Variants in TEF observed in about 807,000 individuals in gnomAD.
The protein encoded by TEF is thyrotroph embryonic factor.
In TEF, 3 loss-of-function variants were observed where a neutral mutation model predicts 20.8. The ratio of observed to expected loss-of-function variants is 0.14; its 90% CI spans 0.07 to 0.37. The LOEUF (loss-of-function observed/expected upper bound fraction) is 0.37, where lower values mean the gene tolerates loss of function less well. TEF is among the 10% of genes least tolerant of loss of function. The pLI is 1.00. For missense variants in TEF, 296 were observed against 397.9 expected, an observed-to-expected ratio of 0.74 and a Z score of 2.18; for synonymous variants, 180 against 171.1, an observed-to-expected ratio of 1.05 and a Z score of -0.41.
Position 41,396,940 on chromosome 22 carries a change from C to A in TEF, c.*980C>A, listed in dbSNP as rs2037236410. On this transcript the variant is annotated 3_prime_UTR_variant, in exon 4 of 4. Transcript: ENST00000266304. ...AAAATGCCTCCACAGCCCCCTTCCA[C>A]CATGGGCATGAGAGCTGGGGTGTGT... 2.5e-6 allele frequency: 1 copy of A among 398,572 alleles called. No homozygotes were observed. Among genetic ancestry groups the A allele is most frequent in the Non-Finnish European group, 4.4e-6 (1 of 226,150 alleles). 24.7% of individuals were successfully genotyped at this position (398,572 alleles called of 1,614,324 possible).
At chr22:41,395,710 A>C in intron 3 of TEF, 35 bp from the exon 4 acceptor site, 1 of 1,600,596 alleles carries the variant, frequency 6.2e-7, no homozygotes, top group Non-Finnish European at 8.6e-7. Flanking sequence ...CTCGTGGGGA[A>C]AGACGAGAGA....
At chr22:41,369,121 G>A (rs911590830) in intron 1 of TEF, 5 of 985,276 alleles carry the variant, frequency 5.1e-6, no homozygotes, top group Non-Finnish European at 6.0e-6. Flanking sequence ...GGCTGCCAGT[G>A]GGGCAGGGAG....
At chr22:41,393,576 A>C (rs1230358137) in intron 2 of TEF, among the ~76,000 whole-genome samples, 1 of 152,024 alleles carries the variant, frequency 6.6e-6, no homozygotes, top group Non-Finnish European at 1.5e-5. Context: ...CTAACACAGT[A>C]AAACCTCATC....
intron 1 of TEF, 31 bp from the exon 2 acceptor site, chr22:41,387,320 T>A (rs2037110127): frequency 1.2e-6 from 2 of 1,611,540 alleles, no homozygotes; most frequent in Non-Finnish European, 1.7e-6. Flanking sequence ...CTCTCCTGTG[T>A]GGTATTTCAT....
chr22:41,386,833 C>G (rs2037103460), intron 1 of TEF, among the ~76,000 whole-genome samples: 1 of 152,082 alleles, frequency 6.6e-6, no homozygotes, highest in Non-Finnish European at 1.5e-5. Context: ...CACCTGAGCT[C>G]AGGAGTTCGA....
At chr22:41,378,149 AAGCTTCCTT>A (rs201962734), upstream of TEF, among the ~76,000 whole-genome samples, 22,471 of 139,644 alleles carry the variant, frequency 0.16, 2,318 homozygotes, top group Admixed American at 0.31. Flanking sequence ...GTTTTTTAAA[AAGCTTCCTT>A]AGCTTCCTTT....
chr22:41,387,570 C>T lies in TEF; in HGVS notation c.377C>T (p.Ala126Val). Reference sequence around the variant, plus strand: ...GCCCACAACCTGCTGCTGCCTGTAGCAGAGCTAGAAGGGAAGGAGTCTGCC... The same window carrying T: ...GCCCACAACCTGCTGCTGCCTGTAGTAGAGCTAGAAGGGAAGGAGTCTGCC... The part of the protein sequence containing the change: ...HLAHNLLLPV[A>V]ELEGKESASS... The change falls in exon 2 of 4, where the codon GCA becomes GTA. Residue 126 changes from alanine (A) to valine (V), a missense_variant. Ala to Val is a moderately conservative substitution (Grantham distance 64). Coordinates refer to ENST00000266304, the MANE Select transcript of TEF (RefSeq NM_003216.4). 6.2e-7 allele frequency: 1 copy of T among 1,614,220 alleles called. No homozygotes were observed. The highest frequency in any genetic ancestry group is 8.5e-7 in the Non-Finnish European group (1 of 1,180,034).
At chr22:41,367,763 A>C (rs1282711132) in intron 1 of TEF, among the ~76,000 whole-genome samples, 2 of 152,024 alleles carry the variant, frequency 1.3e-5, no homozygotes, top group African/African-American at 4.8e-5. Context: ...GGGTTCGAGG[A>C]GGCATGTGTC....
At chr22:41,369,183 C>T in intron 1 of TEF, 1 of 985,368 alleles carries the variant, frequency 1.0e-6, no homozygotes, top group Non-Finnish European at 1.2e-6. Flanking sequence ...ATAACAAGGC[C>T]TTTGAAGTGT....
chr22:41,374,766 T>A (rs2036920864), intron 1 of TEF, among the ~76,000 whole-genome samples: 1 of 151,146 alleles, frequency 6.6e-6, no homozygotes, highest in Non-Finnish European at 1.5e-5. Flanking sequence ...TAAGTTGAAG[T>A]GGATCATTGT....
chr22:41,380,708 T>G (rs948440037), upstream of TEF, among the ~76,000 whole-genome samples: 1 of 152,218 alleles, frequency 6.6e-6, no homozygotes, highest in Non-Finnish European at 1.5e-5. Flanking sequence ...TACAAAGTTC[T>G]GAGCGCTGTT....
chr22:41,395,751 A>C lies in TEF; in HGVS notation c.703A>C (p.Lys235Gln). 6.2e-7 allele frequency: 1 copy of C among 1,613,114 alleles called. No individual in the cohort carries two copies. ...VFVPDEQKDE[K>Q]YWTRRKKNNV... is the part of the protein sequence containing the mutation. ...AGAGGGCACTTCCCCACAGGATGAA[A>C]AGTACTGGACAAGACGCAAGAAGAA... The change falls in exon 4 of 4, where the codon AAG (lysine) becomes CAG (glutamine). Residue 235 changes from lysine to glutamine, a missense_variant. Physicochemically the swap from Lys to Gln is moderately conservative, Grantham distance 53 (BLOSUM62 1). This residue lies in a region of TEF where 194 missense variants were observed against 317.8 expected (regional missense o/e 0.61). Coordinates refer to ENST00000266304, the MANE Select transcript of TEF (RefSeq NM_003216.4).
intron 1 of TEF, among the ~76,000 whole-genome samples, chr22:41,368,083 T>C (rs1333968582): frequency 6.6e-6 from 1 of 152,074 alleles, no homozygotes; most frequent in Non-Finnish European, 1.5e-5. Context: ...GAAACTGTTA[T>C]GTAACAGGAC....
chr22:41,387,502 G>A lies in TEF; in HGVS notation c.309G>A (p.Glu103=). The A allele has an allele frequency of 1.2e-6, 2 of 1,614,166 alleles. No homozygotes were observed. The highest frequency in any genetic ancestry group is 1.7e-6 in the Non-Finnish European group (2 of 1,180,032). Residue 103 remains glutamate (E), a synonymous_variant, in exon 2 of 4, where the codon GAG becomes GAA. Transcript: ENST00000266304. ...ACCTGGAGTACATGGACCTGGATGA[G>A]TTCCTGCTGGAGAATGGCATCCCCG... The part of the protein sequence containing the change: ...SFHLEYMDLD[E]FLLENGIPAS...
chr22:41,373,413 C>A (rs1208468177), intron 1 of TEF, among the ~76,000 whole-genome samples: 1 of 152,132 alleles, frequency 6.6e-6, no homozygotes, highest in Non-Finnish European at 1.5e-5. Context: ...GGAAGCCTTA[C>A]AGATAACATC....
upstream of TEF, among the ~76,000 whole-genome samples, chr22:41,377,914 C>T (rs148971561): frequency 1.3e-5 from 2 of 152,230 alleles, no homozygotes; most frequent in Admixed American, 6.5e-5. Context: ...AGGCATTATT[C>T]GTTTTGGATA....
intron 2 of TEF, among the ~76,000 whole-genome samples, chr22:41,390,400 G>T (rs1188454334): frequency 6.6e-6 from 1 of 151,726 alleles, no homozygotes; most frequent in African/African-American, 2.4e-5. Context: ...TGTAATGGTG[G>T]ACCTATGAGA....
chr22:41,381,901 G>T, upstream of TEF: 8 of 1,226,270 alleles, frequency 6.5e-6, no homozygotes, highest in Non-Finnish European at 8.1e-6. Context: ...CCGCAGGCGG[G>T]GTAGCGATGG....
chr22:41,387,072 TAATG>T (rs962119043), intron 1 of TEF, among the ~76,000 whole-genome samples: 17 of 152,010 alleles, frequency 1.1e-4, no homozygotes, highest in African/African-American at 4.1e-4. Flanking sequence ...TAAAATTAAA[TAATG>T]AATTAACCCT....
Sources: allele counts gnomAD v4.1 joint callset (sites outside exome capture counted in the v4.1 genomes callset), GRCh38; gene constraint gnomAD v4.1.1; regional missense constraint gnomAD v4.1.1; transcripts MANE v1.5; gene names NCBI Gene and HGNC (gene_info 2026-07-23, HGNC 2026-07-21).